The following RPGRIP1L variants were observed in gnomAD, a reference collection of about 807,000 sequenced individuals.
The protein encoded by RPGRIP1L is RPGRIP1 like, also known as protein fantom.
A neutral mutation model predicts 160.4 loss-of-function variants in RPGRIP1L; 131 were observed. That is an observed-to-expected ratio of 0.82 (90% CI 0.71 to 0.94). The LOEUF (loss-of-function observed/expected upper bound fraction) is 0.94. RPGRIP1L is among the 40% of genes least tolerant of loss of function. RPGRIP1L has a pLI of 0.00. For synonymous variants in RPGRIP1L, 510 were observed against 515.8 expected, an observed-to-expected ratio of 0.99 and a Z score of 0.15; for missense variants, 1,522 against 1,535.8, an observed-to-expected ratio of 0.99 and a Z score of 0.15.
In RPGRIP1L at chr16:53,692,283, T is replaced by G. The variant is rs754520040; in HGVS notation, c.312A>C (p.Arg104=). The G allele has an allele frequency of 1.2e-6, 2 of 1,614,170 alleles. No homozygotes were observed. Among genetic ancestry groups the G allele is most frequent in the Non-Finnish European group, 8.5e-7 (1 of 1,180,022 alleles). Residue 104 remains arginine (R), a synonymous_variant, in exon 4 of 27, where the codon CGA becomes CGC. Transcript: ENST00000647211. ...CAATCATTTCTTCCATTTCCACATCTCGTCCCAGCCGCTTGGGGCCGCCAC... is the reference window on the plus strand; with the variant it reads ...CAATCATTTCTTCCATTTCCACATCGCGTCCCAGCCGCTTGGGGCCGCCAC... ...RVGGGPKRLG[R]DVEMEEMIEQ...
At chr16:53,615,229 A>G (rs938087212) in intron 24 of RPGRIP1L, among the ~76,000 whole-genome samples, 7 of 152,186 alleles carry the variant, frequency 4.6e-5, no homozygotes, top group Middle Eastern at 3.4e-3. Context: ...GATTTCATTA[A>G]TCTTTTTCCT....
intron 24 of RPGRIP1L, among the ~76,000 whole-genome samples, chr16:53,613,662 GT>G (rs1303599384): frequency 6.6e-6 from 1 of 152,056 alleles, no homozygotes; most frequent in African/African-American, 2.4e-5. Flanking sequence ...ATTGAAATTG[GT>G]TTTAAAAAGT....
Position 53,652,702 on chromosome 16 carries a change from A to G in RPGRIP1L, c.1985T>C (p.Leu662Pro). 6.2e-7 allele frequency: 1 copy of G among 1,614,180 alleles called. No individual in the cohort carries two copies. The highest frequency in any genetic ancestry group is 8.5e-7 in the Non-Finnish European group (1 of 1,180,010). ...HPEYNFTSQY[L>P]VHVNDLFLQY... ...CAAAAATAAGTCATTAACATGAACA[A>G]GATATTGAGAAGTGAAGTTATATTC... Residue 662 changes from leucine to proline, a missense_variant, in exon 15 of 27, where the codon CTT becomes CCT. By Grantham distance (98) the Leu-to-Pro change is moderately conservative (BLOSUM62 -3). Transcript: ENST00000647211.
intron 24 of RPGRIP1L, among the ~76,000 whole-genome samples, chr16:53,614,594 T>G (rs766798933): frequency 1.7e-4 from 26 of 152,166 alleles, no homozygotes; most frequent in Non-Finnish European, 3.2e-4. Flanking sequence ...ACAGGAACAC[T>G]TTGGCTGCCT....
intron 24 of RPGRIP1L, among the ~76,000 whole-genome samples, chr16:53,616,593 C>A (rs547293793): frequency 1.6e-3 from 238 of 152,232 alleles, no homozygotes; most frequent in Middle Eastern, 6.8e-3. Context: ...AAATTCTACA[C>A]AGTCAAATTT....
At chr16:53,684,216 C>A (rs1027848502) in intron 6 of RPGRIP1L, among the ~76,000 whole-genome samples, 8 of 152,068 alleles carry the variant, frequency 5.3e-5, no homozygotes, top group Non-Finnish European at 1.2e-4. Context: ...CTAGAAATAC[C>A]ATTTGACCCA....
intron 17 of RPGRIP1L, among the ~76,000 whole-genome samples, chr16:53,643,025 C>T (rs960586559): frequency 2.0e-5 from 3 of 152,130 alleles, no homozygotes; most frequent in African/African-American, 2.4e-5. Flanking sequence ...TGGCTGGGTG[C>T]GGTGGCTTAC....
At position 53,637,736 on chromosome 16, in the gene RPGRIP1L, G is replaced by A. The variant is rs371616177; in HGVS notation, c.3179C>T (p.Ser1060Phe). 33 of 1,611,918 alleles carry A rather than the reference G, an allele frequency of 2.0e-5. No individual in the cohort carries two copies. In the East Asian group the frequency reaches 6.7e-4, roughly 33 times the overall value. The change falls in exon 21 of 27, where the codon TCT becomes TTT. Residue 1060 changes from serine (S) to phenylalanine (F), a missense_variant. Transcript: ENST00000647211. ...GQLAEQSLASSEDETEITEDL... is the reference protein window; with the variant it reads ...GQLAEQSLASFEDETEITEDL... ...CTCTGTTATTTCTGTTTCATCTTCA[G>A]AAGATGCCAAGCTTTGTTCTGCAAG... is the stretch of plus-strand genomic sequence containing the variant.
chr16:53,657,668 A>G (rs1199710492), intron 12 of RPGRIP1L, 36 bp from the exon 13 acceptor site: 5 of 1,220,698 alleles, frequency 4.1e-6, no homozygotes, highest in Non-Finnish European at 5.9e-6. Flanking sequence ...CTGAAACAAA[A>G]ATTTCTAAGA....
At chr16:53,644,235 GAAGA>G (rs1598305898) in intron 17 of RPGRIP1L, among the ~76,000 whole-genome samples, 1 of 152,084 alleles carries the variant, frequency 6.6e-6, no homozygotes, top group Non-Finnish European at 1.5e-5. Context: ...TGAACTGGTA[GAAGA>G]AAGAATTAAT....
chr16:53,679,143 T>G (rs564417490), intron 6 of RPGRIP1L, among the ~76,000 whole-genome samples: 2 of 152,348 alleles, frequency 1.3e-5, no homozygotes, highest in South Asian at 4.1e-4. Context: ...TCTGAATCAT[T>G]ACTTTCCTGT....
In RPGRIP1L at chr16:53,664,927, A is replaced by G; in HGVS notation, c.1186T>C (p.Leu396=). ...GTTTTGTCTGTTAAGTCAGACTTCA[A>G]GGCAGTCTCGAGCTGAGCAATCTGC... ...KVQIAQLETA[L]KSDLTDKTEI... Residue 396 remains leucine, a synonymous_variant, in exon 10 of 27, where the codon TTG becomes CTG. Coordinates refer to ENST00000647211, the MANE Select transcript of RPGRIP1L (RefSeq NM_015272.5). 6.2e-7 allele frequency: 1 copy of G among 1,613,186 alleles called. No homozygotes were observed. Among genetic ancestry groups the G allele is most frequent in the African/African-American group, 1.3e-5 (1 of 75,054 alleles).
chr16:53,691,623 C>T (rs985719933), intron 4 of RPGRIP1L, among the ~76,000 whole-genome samples: 3 of 152,208 alleles, frequency 2.0e-5, no homozygotes, highest in African/African-American at 7.2e-5. Flanking sequence ...GTTACATGCA[C>T]ATGCCATGTC....
intron 19 of RPGRIP1L, 42 bp downstream of exon 19, chr16:53,640,991 T>C (rs1966177674): frequency 7.3e-7 from 1 of 1,364,104 alleles, no homozygotes; most frequent in South Asian, 1.2e-5. Flanking sequence ...ATTTCAAATA[T>C]TTGTTATGAA....
In RPGRIP1L at chr16:53,675,136, T is replaced by C; in HGVS notation, c.777-14A>G. On this transcript the variant is annotated splice_polypyrimidine_tract_variant and intron_variant, in intron 6 of 26. Transcript: ENST00000647211. ...CGAATATTTGACCTTCAGAGTTGTG[T>C]TTAAGAAAAAGAGAGACAGAAGTAA... 1 of 1,579,618 alleles carries C rather than the reference T, an allele frequency of 6.3e-7. No homozygotes were observed. Among genetic ancestry groups the C allele is most frequent in the East Asian group, 2.2e-5 (1 of 44,528 alleles).
intron 14 of RPGRIP1L, among the ~76,000 whole-genome samples, chr16:53,656,098 T>A (rs940262474): frequency 1.3e-5 from 2 of 152,322 alleles, no homozygotes; most frequent in East Asian, 3.9e-4. Context: ...ATTTATGAAG[T>A]AATTTGAAAT....
At chr16:53,662,493 T>C (rs978895066) in intron 10 of RPGRIP1L, among the ~76,000 whole-genome samples, 10 of 152,150 alleles carry the variant, frequency 6.6e-5, no homozygotes, top group Non-Finnish European at 1.0e-4. Flanking sequence ...CAGGGAAACA[T>C]CTTCTGGCAA....
chr16:53,633,343 A>G (rs1174151025), intron 22 of RPGRIP1L, among the ~76,000 whole-genome samples: 2 of 152,228 alleles, frequency 1.3e-5, no homozygotes, highest in Non-Finnish European at 1.5e-5. Flanking sequence ...ATTCCTACCA[A>G]AATGCATAAC....
At chr16:53,692,435 A>G in intron 3 of RPGRIP1L, 71 bp from the exon 4 acceptor site, 1 of 1,422,490 alleles carries the variant, frequency 7.0e-7, no homozygotes, top group Non-Finnish European at 9.9e-7. Flanking sequence ...TGAAAGGAAC[A>G]TAATCACTGT....
Sources: gnomAD v4.1 joint callset for allele counts (sites outside exome capture counted in the v4.1 genomes callset) on GRCh38, gnomAD v4.1.1 for gene constraint, MANE v1.5 for transcripts, NCBI Gene and HGNC (gene_info 2026-07-23, HGNC 2026-07-21) for gene names.